The following EGF variants were observed in gnomAD, a reference collection of about 807,000 sequenced individuals.
EGF encodes the protein pro-epidermal growth factor.
A neutral mutation model predicts 143.8 loss-of-function variants in EGF; 95 were observed. The observed-to-expected ratio is 0.66, with a 90% CI of 0.56 to 0.78. The LOEUF is 0.78. EGF is among the 30% of genes least tolerant of loss of function. The probability of loss-of-function intolerance (pLI) is 0.00; values close to 1 mark genes in which losing one functional copy is unlikely to be tolerated. For synonymous variants in EGF, 510 were observed against 510.5 expected, an observed-to-expected ratio of 1.00 and a Z score of 0.01; for missense variants, 1,320 against 1,470.9, an observed-to-expected ratio of 0.90 and a Z score of 1.68.
intron 15 of EGF, among the ~76,000 whole-genome samples, chr4:109,982,078 G>T (rs11569022): frequency 4.6e-5 from 7 of 151,484 alleles, no homozygotes; most frequent in Non-Finnish European, 8.8e-5. Context: ...GGGACCACAG[G>T]CATGCACCAC....
intron 18 of EGF, among the ~76,000 whole-genome samples, chr4:109,990,911 C>T (rs1205703332): frequency 1.3e-5 from 2 of 152,214 alleles, no homozygotes; most frequent in Non-Finnish European, 2.9e-5. Context: ...TGTAACCTTA[C>T]TTTCCTCTTG....
rs1745278557 is a variant in EGF at position 109,959,188 on chromosome 4, C to A, written c.941-124C>A. 4 of 1,487,320 alleles carry A rather than the reference C, an allele frequency of 2.7e-6. No individual in the cohort carries two copies. The East Asian group carries it at 9.7e-5, about 36-fold the overall frequency. The allele number at this position is 1,487,320 out of a possible 1,614,324, so 92.1% of individuals were successfully genotyped here. ...GAATCTGGGCTCTGGCTAAGTTTGC[C>A]TCCGTGAGAGATGCAGCTGTAGACG... is the stretch of plus-strand genomic sequence containing the variant. On this transcript the variant is annotated intron_variant, in intron 5 of 23. Coordinates refer to ENST00000265171, the MANE Select transcript of EGF (RefSeq NM_001963.6).
At chr4:109,933,129 C>A (rs974932828) in intron 1 of EGF, among the ~76,000 whole-genome samples, 7 of 152,178 alleles carry the variant, frequency 4.6e-5, no homozygotes, top group African/African-American at 1.7e-4. Context: ...CTGATACAGG[C>A]AGGGGAGATC....
intron 10 of EGF, chr4:109,968,699 T>TCTATCTATCTATCTATCTATCTAC: frequency 2.5e-6 from 1 of 397,258 alleles, no homozygotes; most frequent in Non-Finnish European, 4.5e-6. Context: ...TATCTATCTA[T>TCTATCTATCTATCTATCTATCTAC]CTATCTATCT....
At chr4:109,956,107 C>A (rs976053112) in intron 5 of EGF, among the ~76,000 whole-genome samples, 3 of 152,126 alleles carry the variant, frequency 2.0e-5, no homozygotes, top group Admixed American at 2.0e-4. Context: ...GAGGTATAAA[C>A]TCAGAAGAAT....
chr4:109,920,416 T>C (rs1184247006), intron 1 of EGF, among the ~76,000 whole-genome samples: 4 of 151,566 alleles, frequency 2.6e-5, no homozygotes, highest in Non-Finnish European at 5.9e-5. Flanking sequence ...AACAAATCAC[T>C]TTATCTCACT....
rs1269746935 is a variant in EGF, at chr4:109,943,409, A to G, written c.483A>G (p.Ala161=). The G allele has an allele frequency of 6.2e-7, 1 of 1,613,750 alleles. No individual in the cohort carries two copies. The highest frequency in any genetic ancestry group is 8.5e-7 in the Non-Finnish European group (1 of 1,179,840). The change falls in exon 3 of 24, where the codon GCA becomes GCG. Residue 161 remains alanine, a synonymous_variant. Transcript: ENST00000265171. ...HILLSALKYP[A]NVAVDPVERF... is the part of the protein sequence containing the mutation. ...TTTTAAGTGCTTTAAAATATCCTGC[A>G]AATGTAGCAGTTGATCCAGTAGAAA...
intron 14 of EGF, chr4:109,980,618 T>A: frequency 1.6e-6 from 1 of 608,932 alleles, no homozygotes; most frequent in Admixed American, 2.8e-5. Context: ...CCAGTACTAA[T>A]AAGGTAATAA....
chr4:109,968,860 C>T lies in EGF; in HGVS notation c.1576-111C>T, dbSNP rs41397647. 3.6e-3 allele frequency: 5,213 copies of T among 1,453,002 alleles called. 152 individuals are homozygous for T. The African/African-American group carries it at 0.061, about 17-fold the overall frequency. 90.0% of individuals were successfully genotyped at this position (1,453,002 alleles called of 1,614,324 possible). On this transcript the variant is annotated intron_variant, in intron 10 of 23. Coordinates refer to ENST00000265171, the MANE Select transcript of EGF (RefSeq NM_001963.6). ...CGAATTTAGTTGCAGGTGTGCCTAT[C>T]TCCAAAGTCAAGCTCTTAACACCCT...
At chr4:109,926,882 TGGA>T (rs537063011) in intron 1 of EGF, among the ~76,000 whole-genome samples, 144 of 152,336 alleles carry the variant, frequency 9.5e-4, no homozygotes, top group Non-Finnish European at 1.8e-3. Flanking sequence ...AGATAGATGT[TGGA>T]GATGTTTCCA....
chr4:110,003,204 G>T lies in EGF; in HGVS notation c.3174-1301G>T, dbSNP rs11569103. On this transcript the variant is annotated intron_variant, in intron 21 of 23. Coordinates refer to ENST00000265171, the MANE Select transcript of EGF (RefSeq NM_001963.6). Reference sequence around the variant, plus strand: ...CAGTAATGGAATTGCTGGGTCAAATGGTAGTTCTGCAGTTAACTCTTTGAA... The same window carrying T: ...CAGTAATGGAATTGCTGGGTCAAATTGTAGTTCTGCAGTTAACTCTTTGAA... 0.014 allele frequency among the ~76,000 whole-genome samples: 2,161 copies of T among 152,218 alleles called. 227 individuals are homozygous for T. In the East Asian group the frequency reaches 0.24, roughly 17 times the overall value.
intron 1 of EGF, among the ~76,000 whole-genome samples, chr4:109,937,906 T>C (rs1325786150): frequency 6.6e-6 from 1 of 152,152 alleles, no homozygotes; most frequent in African/African-American, 2.4e-5. Flanking sequence ...GGCTTCCCTT[T>C]GTGGGTAACT....
intron 11 of EGF, 136 bp downstream of exon 11, chr4:109,969,255 C>T: frequency 1.8e-6 from 2 of 1,104,964 alleles, no homozygotes; most frequent in Non-Finnish European, 2.7e-6. Context: ...AAGAGGCCAC[C>T]ATTGCGGTCC....
rs141238669 is a variant in EGF, at chr4:109,941,035, G to A, written c.217G>A (p.Ala73Thr). ...GTNYEQLVVDAGVSVIMDFHY... is the reference protein window; with the variant it reads ...GTNYEQLVVDTGVSVIMDFHY... Reference sequence around the variant, plus strand: ...CAATTATGAGCAATTGGTGGTGGATGCTGGTGTCTCAGTGATCATGGATTT... The same window carrying A: ...CAATTATGAGCAATTGGTGGTGGATACTGGTGTCTCAGTGATCATGGATTT... The change falls in exon 2 of 24, where the codon GCT becomes ACT. Residue 73 changes from alanine (A) to threonine (T), a missense_variant. Coordinates refer to ENST00000265171, the MANE Select transcript of EGF (RefSeq NM_001963.6). The A allele has an allele frequency of 6.2e-7, 1 of 1,613,936 alleles. No individual in the cohort carries two copies. The highest frequency in any genetic ancestry group is 8.5e-7 in the Non-Finnish European group (1 of 1,179,952).
chr4:109,934,943 C>T (rs113432367), intron 1 of EGF, among the ~76,000 whole-genome samples: 5,044 of 152,138 alleles, frequency 0.033, 289 homozygotes, highest in African/African-American at 0.11. Context: ...GTACCGGTAC[C>T]ATGCTGTTTT....
chr4:109,974,901 T>G, intron 12 of EGF, 94 bp downstream of exon 12: 10 of 890,518 alleles, frequency 1.1e-5, no homozygotes, highest in Non-Finnish European at 1.6e-5. Context: ...ACCAAGAAAA[T>G]CCATGCAATT....
Position 109,953,513 on chromosome 4 carries a change from C to T in EGF, c.941-5799C>T, listed in dbSNP as rs78029602. The stretch of plus-strand genomic sequence containing the variant: ...GTGTTCGATCCTATTTCTTAATTTA[C>T]GTGTTTTCAAAATAAAGAGTTAGTG... On this transcript the variant is annotated intron_variant, in intron 5 of 23. Coordinates refer to ENST00000265171, the MANE Select transcript of EGF (RefSeq NM_001963.6). Among the ~76,000 whole-genome samples, 480 of 152,296 alleles carry T rather than the reference C, an allele frequency of 3.2e-3. 3 individuals are homozygous for T. Among genetic ancestry groups the T allele is most frequent in the Non-Finnish European group, 5.1e-3 (345 of 68,016 alleles).
chr4:109,972,706 T>C (rs976590264), intron 11 of EGF, among the ~76,000 whole-genome samples: 1 of 152,220 alleles, frequency 6.6e-6, no homozygotes, highest in African/African-American at 2.4e-5. Context: ...CTGCCTTTAG[T>C]TGGTAGTTTG....
intron 9 of EGF, among the ~76,000 whole-genome samples, chr4:109,963,846 G>A (rs1363559088): frequency 1.3e-5 from 2 of 152,068 alleles, no homozygotes; most frequent in Non-Finnish European, 2.9e-5. Context: ...TGCTCATAAT[G>A]CTATCATGTA....
Sources: gnomAD v4.1 joint callset for allele counts (sites outside exome capture counted in the v4.1 genomes callset) on GRCh38, gnomAD v4.1.1 for gene constraint, MANE v1.5 for transcripts, NCBI Gene and HGNC (gene_info 2026-07-23, HGNC 2026-07-21) for gene names.